TDRD12: variants seen among roughly 807,000 people sequenced by gnomAD.
TDRD12 encodes putative ATP-dependent RNA helicase TDRD12.
A neutral mutation model predicts 133.5 loss-of-function variants in TDRD12; 158 were observed. The ratio of observed to expected loss-of-function variants is 1.18; its 90% CI spans 1.04 to 1.35. The LOEUF (loss-of-function observed/expected upper bound fraction) is 1.35. Ranked by LOEUF, TDRD12 falls within the 40% of genes most tolerant of loss-of-function variation. TDRD12 has a pLI of 0.00. For synonymous variants in TDRD12, 460 were observed against 477.9 expected (o/e 0.96, Z 0.49); for missense variants, 1,443 against 1,321.3 (o/e 1.09, Z -1.43).
At position 32,791,202 on chromosome 19, in the gene TDRD12, A is replaced by G. The variant is rs142440564; in HGVS notation, c.1287+134A>G. ...TGAAATTCTCTTTTTATTTGAGATTACAGGCATGAGCCACCACACTCGGCC... is the reference window on the plus strand; with the variant it reads ...TGAAATTCTCTTTTTATTTGAGATTGCAGGCATGAGCCACCACACTCGGCC... On this transcript the variant is annotated intron_variant, in intron 13 of 27. Coordinates refer to ENST00000444215, the Ensembl canonical transcript of TDRD12. The G allele has an allele frequency of 7.1e-4, 726 of 1,015,722 alleles. 5 individuals carry two copies. In the African/African-American group the frequency reaches 9.9e-3, roughly 14 times the overall value. The allele number at this position is 1,015,722 out of a possible 1,614,324, so 62.9% of individuals were successfully genotyped here. A position where few individuals can be genotyped will look rare whatever the true frequency, so the allele number is the denominator to read the frequency against.
Position 32,773,437 on chromosome 19 carries a change from G to A in TDRD12, c.964-19G>A. The A allele has an allele frequency of 6.4e-7, 1 of 1,550,574 alleles. No individual in the cohort carries two copies. The highest frequency in any genetic ancestry group is 2.4e-5 in the East Asian group (1 of 40,900). ...TGCTAGCATACACATTCTTTCTGAAGAAAAGTTTTCTTTTACAGCGTGTTG... is the reference window on the plus strand; with the variant it reads ...TGCTAGCATACACATTCTTTCTGAAAAAAAGTTTTCTTTTACAGCGTGTTG... On this transcript the variant is annotated intron_variant, in intron 9 of 27. Coordinates refer to ENST00000444215, the Ensembl canonical transcript of TDRD12.
intron 3 of TDRD12, among the ~76,000 whole-genome samples, chr19:32,742,488 A>G (rs1282795866): frequency 6.6e-6 from 1 of 152,072 alleles, no homozygotes; most frequent in Non-Finnish European, 1.5e-5. Context: ...TTGTTTTCCT[A>G]AACTCCTACC....
At chr19:32,745,813 TGA>T (rs750086143) in intron 4 of TDRD12, among the ~76,000 whole-genome samples, 1,284 of 106,536 alleles carry the variant, frequency 0.012, 32 homozygotes, top group Non-Finnish European at 0.017. Context: ...TGTGTGTGTG[TGA>T]GAGAGAAGGA....
chr19:32,764,103 C>CTTTTTTTTTTTTTTTTTT (rs5827820), intron 8 of TDRD12, among the ~76,000 whole-genome samples: 1 of 72,298 alleles, frequency 1.4e-5, no homozygotes, highest in Non-Finnish European at 2.4e-5. Context: ...TATTGTCCAT[C>CTTTTTTTTTTTTTTTTTT]TTTTTTTTTT....
chr19:32,819,673 C>G (rs1256372031), intron 27 of TDRD12, among the ~76,000 whole-genome samples: 1 of 152,116 alleles, frequency 6.6e-6, no homozygotes, highest in Non-Finnish European at 1.5e-5. Context: ...TCACAGAGAG[C>G]CTGCTAGAAG....
chr19:32,809,967 C>A, intron 22 of TDRD12, 126 bp from the exon 23 acceptor site: 1 of 554,022 alleles, frequency 1.8e-6, no homozygotes, highest in Non-Finnish European at 2.8e-6. Flanking sequence ...CTAGTTTTTT[C>A]TAAATCCACG....
chr19:32,743,880 T>G (rs1969509521), intron 4 of TDRD12, among the ~76,000 whole-genome samples: 1 of 151,480 alleles, frequency 6.6e-6, no homozygotes, highest in Non-Finnish European at 1.5e-5. Flanking sequence ...AATACAAAAT[T>G]AGCCTGGCGT....
In TDRD12 at chr19:32,826,283, C is replaced by T. The variant is rs528622306; in HGVS notation, c.822C>T (p.Val274=). 93 of 1,448,092 alleles carry T rather than the reference C, an allele frequency of 6.4e-5. 3 individuals are homozygous for T. The highest frequency in any genetic ancestry group is 3.4e-4 in the African/African-American group (24 of 70,276). 89.7% of individuals were successfully genotyped at this position (1,448,092 alleles called of 1,614,324 possible). A position where few individuals can be genotyped will look rare whatever the true frequency, so the allele number is the denominator to read the frequency against. The change falls in exon 8 of 10, where the codon GTC becomes GTT. Residue 274 remains valine, a synonymous_variant. Transcript: ENST00000637289. Reference sequence around the variant, plus strand: ...TAAAATGGTTCCAAAAAGAAGATGTCGTCATCTTAAAGATAAGAATAAGGA... The same window carrying T: ...TAAAATGGTTCCAAAAAGAAGATGTTGTCATCTTAAAGATAAGAATAAGGA...
At chr19:32,817,010 C>G (rs1255680696) in intron 26 of TDRD12, among the ~76,000 whole-genome samples, 1 of 152,088 alleles carries the variant, frequency 6.6e-6, no homozygotes, top group East Asian at 1.9e-4. Context: ...AAAACACGCA[C>G]CAAGTGTGGG....
chr19:32,793,563 C>T (rs1182340801), intron 13 of TDRD12, among the ~76,000 whole-genome samples: 2 of 152,088 alleles, frequency 1.3e-5, no homozygotes, highest in Admixed American at 6.6e-5. Flanking sequence ...AAGATCCTAT[C>T]CATGTGGGTG....
At position 32,777,210 on chromosome 19, in the gene TDRD12, GAGA is replaced by G. The variant is rs1568471894; in HGVS notation, c.1107_1109del (p.Lys369del). 5.2e-6 allele frequency: 8 copies of G among 1,541,818 alleles called. No homozygotes were observed. The East Asian group carries it at 1.5e-4, about 28-fold the overall frequency. The stretch of plus-strand genomic sequence containing the variant: ...ATTGACTGAGAAGAAAGAATATGAT[GAGA>G]AGAATAGCTGTGTGAAGTAAGAATT... On this transcript the variant is annotated inframe_deletion, in exon 11 of 28. Transcript: ENST00000444215.
intron 25 of TDRD12, among the ~76,000 whole-genome samples, chr19:32,814,546 A>T (rs572047481): frequency 6.6e-6 from 1 of 152,338 alleles, no homozygotes; most frequent in South Asian, 2.1e-4. Context: ...ATGCAGGTAA[A>T]TGAGGAGATT....
exon 14 of TDRD12, chr19:32,794,666 T>G (rs561785952): frequency 5.7e-5 from 40 of 703,002 alleles, no homozygotes; most frequent in African/African-American, 5.1e-4. Context: ...CCAGCCACAC[T>G]GAATCTTACT....
chr19:32,796,038 C>A, intron 14 of TDRD12: 2 of 466,214 alleles, frequency 4.3e-6, no homozygotes, highest in Non-Finnish European at 5.6e-6. Context: ...TAAACCATTT[C>A]ACTGAGAAAG....
chr19:32,805,841 C>T (rs1971533014), intron 21 of TDRD12, among the ~76,000 whole-genome samples: 1 of 150,086 alleles, frequency 6.7e-6, no homozygotes, highest in South Asian at 2.1e-4. Context: ...AAACAATTCT[C>T]CTGCCTCAGC....
chr19:32,803,919 T>G (rs1971470418), intron 21 of TDRD12, among the ~76,000 whole-genome samples: 1 of 152,166 alleles, frequency 6.6e-6, no homozygotes, highest in South Asian at 2.1e-4. Context: ...GTTTATCTTT[T>G]TCTTCTTGGT....
rs1189125550 is a variant in TDRD12, at chr19:32,826,558, AAG to A, written c.1015_1016del (p.Arg339LysfsTer46). 2.4e-6 allele frequency: 3 copies of A among 1,241,402 alleles called. No individual in the cohort carries two copies. The highest frequency in any genetic ancestry group is 4.0e-5 in the South Asian group (1 of 25,292). 76.9% of individuals were successfully genotyped at this position (1,241,402 alleles called of 1,614,324 possible). A position where few individuals can be genotyped will look rare whatever the true frequency, so the allele number is the denominator to read the frequency against. Reference sequence around the variant, plus strand: ...GATGAACCTGTAATCACTCTGGCCAAAGAGAGAAGGGAGGCATGGTGTCACCT... The same window carrying A: ...GATGAACCTGTAATCACTCTGGCCAAAGAGAAGGGAGGCATGGTGTCACCT... On this transcript the variant is annotated frameshift_variant, in exon 9 of 10. Coordinates refer to the TDRD12 transcript ENST00000637289. LOFTEE classifies it low-confidence loss of function (END_TRUNC).
rs555213562 is a variant in TDRD12 at position 32,755,550 on chromosome 19, T to G, written c.583-442T>G. 3.9e-5 allele frequency among the ~76,000 whole-genome samples: 6 copies of G among 152,350 alleles called. No homozygotes were observed. The East Asian group carries it at 1.2e-3, about 29-fold the overall frequency. On this transcript the variant is annotated intron_variant, in intron 6 of 27. Coordinates refer to ENST00000444215, the Ensembl canonical transcript of TDRD12. ...GTGTTGATTTCGTTTTATTGAGTTT[T>G]GAGAGTTCCTTATATATTCTGGATA...
intron 8 of TDRD12, among the ~76,000 whole-genome samples, chr19:32,765,915 A>G (rs1399535657): frequency 1.3e-5 from 2 of 148,942 alleles, no homozygotes; most frequent in Admixed American, 6.7e-5. Flanking sequence ...AGAGCAGCTG[A>G]AAAAAAAAAG....
Sources: allele counts gnomAD v4.1 joint callset (sites outside exome capture counted in the v4.1 genomes callset), GRCh38; gene constraint gnomAD v4.1.1; transcripts MANE v1.5; gene names NCBI Gene and HGNC (gene_info 2026-07-23, HGNC 2026-07-21).